The following DCC variants were observed in gnomAD, a reference collection of about 807,000 sequenced individuals.
DCC encodes DCC netrin 1 receptor.
DCC carries 58 observed loss-of-function variants against 172.5 expected under a neutral mutation model. The observed-to-expected ratio is 0.34, with a 90% CI of 0.27 to 0.42. DCC has a LOEUF of 0.42. DCC is among the 10% of genes least tolerant of loss of function. DCC has a pLI of 1.00. For synonymous variants in DCC, 709 were observed against 644.5 expected, an observed-to-expected ratio of 1.10 and a Z score of -1.52; for missense variants, 1,740 against 1,791.0, an observed-to-expected ratio of 0.97 and a Z score of 0.51.
intron 19 of DCC, among the ~76,000 whole-genome samples, chr18:53,406,409 A>AAAAAG (rs1555666681): frequency 3.3e-5 from 5 of 150,252 alleles, no homozygotes; most frequent in East Asian, 2.0e-4. Context: ...AGGTTTAAAA[A>AAAAAG]AAAAAGAGAA....
chr18:52,701,312 G>A (rs1022813197), intron 1 of DCC, among the ~76,000 whole-genome samples: 3 of 152,066 alleles, frequency 2.0e-5, no homozygotes, highest in African/African-American at 7.2e-5. Flanking sequence ...TAACTTCTTG[G>A]AACATGTTTG....
intron 1 of DCC, among the ~76,000 whole-genome samples, chr18:52,362,552 G>C (rs1263722758): frequency 6.6e-6 from 1 of 152,112 alleles, no homozygotes; most frequent in African/African-American, 2.4e-5. Flanking sequence ...TGCTATAATA[G>C]ATTTTATCTT....
chr18:52,803,485 CTG>C (rs2038031288), intron 2 of DCC, among the ~76,000 whole-genome samples: 1 of 152,082 alleles, frequency 6.6e-6, no homozygotes, highest in African/African-American at 2.4e-5. Context: ...GTGCCATGTA[CTG>C]TCTGTGCACA....
At chr18:52,729,365 T>C (rs1159660504) in intron 1 of DCC, among the ~76,000 whole-genome samples, 1 of 152,142 alleles carries the variant, frequency 6.6e-6, no homozygotes, top group Non-Finnish European at 1.5e-5. Context: ...GTTCAAGTGA[T>C]TCTCCTGCCT....
chr18:52,794,395 G>A (rs753991348), intron 2 of DCC, among the ~76,000 whole-genome samples: 1 of 151,816 alleles, frequency 6.6e-6, no homozygotes, highest in African/African-American at 2.4e-5. Flanking sequence ...ATTACTAGGT[G>A]GTGTTTTGGT....
chr18:53,255,697 G>T, intron 12 of DCC, among the ~76,000 whole-genome samples: 1 of 152,060 alleles, frequency 6.6e-6, no homozygotes, highest in Non-Finnish European at 1.5e-5. Context: ...CTTTATAGCA[G>T]CATGTTTTAT....
chr18:52,424,691 G>C (rs1285907329), intron 1 of DCC, among the ~76,000 whole-genome samples: 1 of 151,998 alleles, frequency 6.6e-6, no homozygotes, highest in Non-Finnish European at 1.5e-5. Context: ...TTTCTAAATT[G>C]TGCAAAGCCC....
intron 2 of DCC, among the ~76,000 whole-genome samples, chr18:52,899,741 C>T (rs567188081): frequency 6.6e-6 from 1 of 152,140 alleles, no homozygotes; most frequent in African/African-American, 2.4e-5. Flanking sequence ...AGTGATCCTC[C>T]CACCTTGGAC....
intron 12 of DCC, among the ~76,000 whole-genome samples, chr18:53,236,800 G>T (rs546141900): frequency 8.4e-4 from 128 of 152,082 alleles, no homozygotes; most frequent in Middle Eastern, 6.8e-3. Context: ...ATCCAGTTTT[G>T]TCGGCACCAT....
chr18:53,323,744 C>T (rs993478915), intron 14 of DCC, among the ~76,000 whole-genome samples: 2 of 152,030 alleles, frequency 1.3e-5, no homozygotes, highest in African/African-American at 4.8e-5. Flanking sequence ...AACAGACAGA[C>T]TTGCATTTAA....
chr18:52,721,130 G>T (rs890669028), intron 1 of DCC, among the ~76,000 whole-genome samples: 6 of 152,172 alleles, frequency 3.9e-5, no homozygotes, highest in African/African-American at 1.4e-4. Context: ...GAAGGCCTTA[G>T]CAGAGGGCCT....
intron 26 of DCC, among the ~76,000 whole-genome samples, chr18:53,488,053 G>A (rs919904760): frequency 4.6e-5 from 7 of 152,084 alleles, no homozygotes; most frequent in East Asian, 1.9e-4. Flanking sequence ...TTTAGTATTC[G>A]GTCTATTGGT....
At chr18:53,385,221 G>A (rs1908078790) in intron 15 of DCC, among the ~76,000 whole-genome samples, 1 of 152,078 alleles carries the variant, frequency 6.6e-6, no homozygotes, top group South Asian at 2.1e-4. Context: ...CAGGTTACAA[G>A]TAGAATCTGG....
At chr18:53,316,450 C>G (rs1664403820) in intron 13 of DCC, among the ~76,000 whole-genome samples, 1 of 150,742 alleles carries the variant, frequency 6.6e-6, no homozygotes, top group Admixed American at 6.6e-5. Flanking sequence ...TTTTTTGAAA[C>G]CATATGAAAT....
At chr18:53,187,664 A>T (rs1418732397) in intron 9 of DCC, among the ~76,000 whole-genome samples, 1 of 152,176 alleles carries the variant, frequency 6.6e-6, no homozygotes, top group East Asian at 1.9e-4. Context: ...GCTGTAATAT[A>T]TGGTGAATTT....
chr18:53,109,772 T>G (rs932456771), intron 7 of DCC, among the ~76,000 whole-genome samples: 2 of 151,640 alleles, frequency 1.3e-5, no homozygotes, highest in Admixed American at 1.3e-4. Flanking sequence ...CTTTAAAAAC[T>G]TATTTTTAAA....
chr18:53,292,207 T>A (rs986448487), intron 12 of DCC, among the ~76,000 whole-genome samples: 1 of 151,792 alleles, frequency 6.6e-6, no homozygotes, highest in Non-Finnish European at 1.5e-5. Context: ...TGGTTTTGCT[T>A]AGTTAGCCAA....
intron 12 of DCC, among the ~76,000 whole-genome samples, chr18:53,289,776 G>GT (rs961886015): frequency 2.0e-4 from 31 of 152,258 alleles, no homozygotes; most frequent in African/African-American, 7.5e-4. Context: ...TGCTTCAGAT[G>GT]TAACATCTCT....
At chr18:53,456,633 A>T (rs1261116008) in intron 23 of DCC, among the ~76,000 whole-genome samples, 1 of 152,220 alleles carries the variant, frequency 6.6e-6, no homozygotes, top group Non-Finnish European at 1.5e-5. Context: ...CAAGTTTCTG[A>T]TTCAGTGGTT....
Sources: allele counts gnomAD v4.1 joint callset (sites outside exome capture counted in the v4.1 genomes callset), GRCh38; gene constraint gnomAD v4.1.1; transcripts MANE v1.5; gene names NCBI Gene and HGNC (gene_info 2026-07-23, HGNC 2026-07-21).